Variants in APC observed in about 807,000 individuals in gnomAD.
APC encodes the protein APC regulator of Wnt signaling pathway.
Under a neutral mutation model 247.0 loss-of-function variants are expected in APC, and 72 were observed. The observed-to-expected ratio is 0.29, with a 90% CI of 0.24 to 0.35. The LOEUF is 0.35. Among genes scored for constraint, APC ranks in the 10% least tolerant of loss-of-function variants. APC has a pLI of 1.00. For missense variants in APC, 3,400 were observed against 3,360.7 expected (o/e 1.01, Z -0.29); for synonymous variants, 1,254 against 1,162.5 (o/e 1.08, Z -1.60).
At chr5:112,723,844 C>T (rs1188007056) in intron 1 of APC, among the ~76,000 whole-genome samples, 1 of 152,128 alleles carries the variant, frequency 6.6e-6, no homozygotes, top group African/African-American at 2.4e-5. Flanking sequence ...ACCATTACTG[C>T]CCCCACTGCT....
intron 7 of APC, among the ~76,000 whole-genome samples, chr5:112,794,940 G>T (rs1292186481): frequency 1.3e-5 from 2 of 152,202 alleles, no homozygotes. Flanking sequence ...CTAAGGAAGG[G>T]GTGTAGGAAT....
chr5:112,757,741 C>A (rs912110247), intron 2 of APC, among the ~76,000 whole-genome samples: 1 of 151,916 alleles, frequency 6.6e-6, no homozygotes, highest in Admixed American at 6.6e-5. Flanking sequence ...CTCCTCCAAC[C>A]GGATTACTTA....
chr5:112,827,147 G>T lies in APC; in HGVS notation c.1448G>T (p.Cys483Phe), dbSNP rs1763767675. The T allele has an allele frequency of 1.2e-6, 2 of 1,613,712 alleles. No individual in the cohort carries two copies. The highest frequency in any genetic ancestry group is 4.5e-5 in the East Asian group (2 of 44,824). The stretch of plus-strand genomic sequence containing the variant: ...ATTGCAGAATTATTGCAAGTGGACT[G>T]TGAAATGTATGGGCTTACTAATGAC... Reference protein sequence around the residue: ...QAIAELLQVDCEMYGLTNDHY... With the variant: ...QAIAELLQVDFEMYGLTNDHY... The change falls in exon 12 of 16, where the codon TGT becomes TTT. Residue 483 changes from cysteine to phenylalanine, a missense_variant. Around this residue, in one of 9 missense-constraint regions of APC, gnomAD observed 199 missense variants for 212.5 expected, o/e 0.94. Coordinates refer to ENST00000257430, the MANE Select transcript of APC (RefSeq NM_000038.6).
rs77980903 is a variant in APC at position 112,826,965 on chromosome 5, G to T, written c.1409-143G>T. 3 of 747,150 alleles carry T rather than the reference G, an allele frequency of 4.0e-6. No homozygotes were observed. The highest frequency in any genetic ancestry group is 6.5e-6 in the Non-Finnish European group (3 of 460,638). The allele number at this position is 747,150 out of a possible 1,614,324, so 46.3% of individuals were successfully genotyped here. On this transcript the variant is annotated intron_variant, in intron 11 of 15. Coordinates refer to ENST00000257430, the MANE Select transcript of APC (RefSeq NM_000038.6). ...ACAGAAGTTCTTTATAACAGTTTTT[G>T]TAGCTTATAATTCTAAAGGCAAATT...
chr5:112,761,791 T>A (rs1434754003), intron 2 of APC, among the ~76,000 whole-genome samples: 1 of 152,194 alleles, frequency 6.6e-6, no homozygotes, highest in East Asian at 1.9e-4. Context: ...AGTGTGCTTC[T>A]AGAAGAAAAC....
intron 1 of APC, among the ~76,000 whole-genome samples, chr5:112,719,327 C>T (rs1432280780): frequency 6.6e-6 from 1 of 152,060 alleles, no homozygotes; most frequent in Non-Finnish European, 1.5e-5. Flanking sequence ...AAGCAATTCT[C>T]CTGCCTCAGC....
At chr5:112,726,560 A>G (rs1043783680) in intron 1 of APC, among the ~76,000 whole-genome samples, 45 of 152,152 alleles carry the variant, frequency 3.0e-4, no homozygotes, top group Admixed American at 1.6e-3. Flanking sequence ...ATAAGGGGAC[A>G]TGGCAGACCA....
At chr5:112,713,122 G>C (rs963212031) in intron 1 of APC, among the ~76,000 whole-genome samples, 2 of 142,006 alleles carry the variant, frequency 1.4e-5, no homozygotes, top group Non-Finnish European at 1.5e-5. Flanking sequence ...AGTGAGCCAG[G>C]ATTGCATCAC....
In APC at chr5:112,801,362, G is replaced by A. The variant is rs1064793903; in HGVS notation, c.813G>A (p.Met271Ile). The A allele has an allele frequency of 2.5e-6, 4 of 1,610,428 alleles. No individual in the cohort carries two copies. In the South Asian group the frequency reaches 3.3e-5, roughly 13 times the overall value. Residue 271 changes from methionine to isoleucine, a missense_variant, in exon 8 of 16, where the codon ATG becomes ATA. By Grantham distance (10) the Met-to-Ile change is conservative (BLOSUM62 1). This residue lies in a region of APC where 372 missense variants were observed against 367.6 expected (regional missense o/e 1.01). Transcript: ENST00000257430. ...GTCAAGGAGTGGGAGAAATCAACAT[G>A]GCAACTTCTGGTAATGGTCAGGTAA... ...NEGQGVGEIN[M>I]ATSGNGQGST... is the part of the protein sequence containing the mutation.
At chr5:112,826,218 G>C (rs1763643288) in intron 11 of APC, among the ~76,000 whole-genome samples, 1 of 152,118 alleles carries the variant, frequency 6.6e-6, no homozygotes, top group African/African-American at 2.4e-5. Flanking sequence ...TCCAAGAATT[G>C]CCTGTTTATA....
At position 112,837,545 on chromosome 5, in the gene APC, TATTTC is replaced by T. The variant is rs1765069366; in HGVS notation, c.1959-6_1959-2del. The T allele has an allele frequency of 6.2e-7, 1 of 1,609,348 alleles. No individual in the cohort carries two copies. Among genetic ancestry groups the T allele is most frequent in the Non-Finnish European group, 8.5e-7 (1 of 1,175,868 alleles). On this transcript the variant is annotated splice_region_variant and splice_polypyrimidine_tract_variant and intron_variant, in intron 15 of 15. Transcript: ENST00000257430. ...CCTTAATTTTGTGATCTCTTGATTT[TATTTC>T]AGGCAAATCCTAAGAGAGAACAACT...
chr5:112,780,261 CT>C (rs1758178491), intron 5 of APC, among the ~76,000 whole-genome samples: 1 of 152,096 alleles, frequency 6.6e-6, no homozygotes, highest in Admixed American at 6.5e-5. Flanking sequence ...TTATGATTAT[CT>C]TTCTTACATG....
At chr5:112,836,172 C>CA (rs1554083542) in intron 15 of APC, among the ~76,000 whole-genome samples, 2 of 71,886 alleles carry the variant, frequency 2.8e-5, no homozygotes, top group African/African-American at 4.2e-5. Flanking sequence ...AGGTCCCCCC[C>CA]CCCCCCCGCC....
chr5:112,801,768 A>T (rs1408223256), intron 8 of APC, among the ~76,000 whole-genome samples: 1 of 151,958 alleles, frequency 6.6e-6, no homozygotes, highest in Non-Finnish European at 1.5e-5. Context: ...GGTTTTTTTT[A>T]AAGTTATAAA....
chr5:112,723,864 C>A (rs1018962679), intron 1 of APC, among the ~76,000 whole-genome samples: 1 of 152,080 alleles, frequency 6.6e-6, no homozygotes, highest in East Asian at 1.9e-4. Flanking sequence ...TACTCTTTGC[C>A]AAGCAATTAA....
chr5:112,838,937 G>A lies in APC; in HGVS notation c.3343G>A (p.Val1115Met), dbSNP rs763392909. ...AGCCAATGGTTCAGAAACAAATCGA[G>A]TGGGTTCTAATCATGGAATTAATCA... ...RGANGSETNR[V>M]GSNHGINQNV... The change falls in exon 16 of 16, where the codon GTG becomes ATG. Residue 1115 changes from valine (V) to methionine (M), a missense_variant. Coordinates refer to ENST00000257430, the MANE Select transcript of APC (RefSeq NM_000038.6). 6 of 1,614,080 alleles carry A rather than the reference G, an allele frequency of 3.7e-6. No individual in the cohort carries two copies. The highest frequency in any genetic ancestry group is 1.3e-5 in the African/African-American group (1 of 75,030).
upstream of APC, among the ~76,000 whole-genome samples, chr5:112,736,651 C>T (rs1041144731): frequency 2.6e-5 from 4 of 152,210 alleles, no homozygotes; most frequent in Non-Finnish European, 5.9e-5. Context: ...CACAGTGGCT[C>T]ACGCATGTAA....
intron 11 of APC, among the ~76,000 whole-genome samples, chr5:112,826,312 T>C (rs1763652399): frequency 6.6e-6 from 1 of 152,240 alleles, no homozygotes. Context: ...TTTTTCTCTT[T>C]TGTTCACTTC....
At chr5:112,806,326 T>C (rs1026530007) in intron 8 of APC, among the ~76,000 whole-genome samples, 2 of 152,196 alleles carry the variant, frequency 1.3e-5, no homozygotes, top group African/African-American at 4.8e-5. Context: ...AGGGATTCTA[T>C]CTAGTTTTGT....
Sources: allele counts gnomAD v4.1 joint callset (sites outside exome capture counted in the v4.1 genomes callset), GRCh38; gene constraint gnomAD v4.1.1; regional missense constraint gnomAD v4.1.1; transcripts MANE v1.5; gene names NCBI Gene and HGNC (gene_info 2026-07-23, HGNC 2026-07-21).